KIAA1549: variants seen among roughly 807,000 people sequenced by gnomAD.
KIAA1549 encodes UPF0606 protein KIAA1549.
KIAA1549 carries 70 observed loss-of-function variants against 156.4 expected under a neutral mutation model. The ratio of observed to expected loss-of-function variants is 0.45; its 90% confidence interval spans 0.37 to 0.55. The LOEUF (loss-of-function observed/expected upper bound fraction) is 0.55. Among genes scored for constraint, KIAA1549 ranks in the 20% least tolerant of loss-of-function variants. The pLI, the probability that KIAA1549 is intolerant of heterozygous loss-of-function variation, is 0.00. For synonymous variants in KIAA1549, 1,103 were observed against 1,066.4 expected (o/e 1.03, Z -0.67); for missense variants, 2,428 against 2,540.9 (o/e 0.96, Z 0.96).
chr7:138,932,217 G>GT (rs1166848105), intron 1 of KIAA1549, among the ~76,000 whole-genome samples: 2 of 152,228 alleles, frequency 1.3e-5, no homozygotes, highest in Non-Finnish European at 1.5e-5. Flanking sequence ...ACATGCTCGT[G>GT]TAAGTTCTTT....
At chr7:138,975,955 T>TC (rs890157838) in intron 1 of KIAA1549, among the ~76,000 whole-genome samples, 29 of 152,180 alleles carry the variant, frequency 1.9e-4, no homozygotes, top group African/African-American at 7.0e-4. Flanking sequence ...CAGCAGCTGT[T>TC]CCCAAACGGG....
At chr7:138,897,018 C>G (rs979444498) in intron 9 of KIAA1549, among the ~76,000 whole-genome samples, 2 of 152,150 alleles carry the variant, frequency 1.3e-5, no homozygotes, top group Non-Finnish European at 2.9e-5. Flanking sequence ...AGGCTTCCTT[C>G]AATCGCCATC....
chr7:138,831,534 A>G lies in KIAA1549; in HGVS notation c.*6372T>C, dbSNP rs1809530417. 9.0e-6 allele frequency: 2 copies of G among 222,276 alleles called. No homozygotes were observed. The highest frequency in any genetic ancestry group is 4.5e-5 in the African/African-American group (2 of 44,744). 13.8% of individuals were successfully genotyped at this position (222,276 alleles called of 1,614,324 possible). On this transcript the variant is annotated 3_prime_UTR_variant, in exon 20 of 20. Coordinates refer to ENST00000422774, the MANE Select transcript of KIAA1549 (RefSeq NM_001164665.2). ...AGTGCAGCTATTGAAGGATAGAAACATAAAACCGACAAATAGAAGGGAGGG... is the reference window on the plus strand; with the variant it reads ...AGTGCAGCTATTGAAGGATAGAAACGTAAAACCGACAAATAGAAGGGAGGG...
At chr7:138,905,879 A>T (rs750734487) in intron 6 of KIAA1549, among the ~76,000 whole-genome samples, 5 of 152,210 alleles carry the variant, frequency 3.3e-5, no homozygotes, top group Admixed American at 6.5e-5. Flanking sequence ...GGGTTTTGAT[A>T]AATGTGTATA....
chr7:138,931,440 C>A (rs752647148), intron 1 of KIAA1549, among the ~76,000 whole-genome samples: 3 of 152,154 alleles, frequency 2.0e-5, no homozygotes, highest in Non-Finnish European at 2.9e-5. Flanking sequence ...TTTTTAATGG[C>A]ATCTTTGATG....
intron 10 of KIAA1549, among the ~76,000 whole-genome samples, chr7:138,893,230 G>A (rs1057141025): frequency 6.6e-6 from 1 of 152,148 alleles, no homozygotes; most frequent in African/African-American, 2.4e-5. Flanking sequence ...ATAGGAAAGA[G>A]GGGTTACTTA....
chr7:138,948,343 G>A (rs568487304), intron 1 of KIAA1549, among the ~76,000 whole-genome samples: 2 of 152,256 alleles, frequency 1.3e-5, no homozygotes, highest in African/African-American at 4.8e-5. Flanking sequence ...CATGTGGCTG[G>A]GGTGAAGCGG....
chr7:138,964,501 G>T (rs528496501), intron 1 of KIAA1549, among the ~76,000 whole-genome samples: 1 of 152,148 alleles, frequency 6.6e-6, no homozygotes, highest in South Asian at 2.1e-4. Context: ...ACACTGTGCC[G>T]TCTCCTCACA....
intron 1 of KIAA1549, among the ~76,000 whole-genome samples, chr7:138,927,345 A>G (rs932926465): frequency 6.6e-6 from 1 of 152,266 alleles, no homozygotes; most frequent in Non-Finnish European, 1.5e-5. Context: ...ATGTGTATGC[A>G]TAAGAATGCA....
chr7:138,881,037 T>A (rs1401051980), intron 11 of KIAA1549, among the ~76,000 whole-genome samples: 3 of 152,212 alleles, frequency 2.0e-5, no homozygotes, highest in African/African-American at 7.2e-5. Context: ...ACTCCTTCTA[T>A]GTTATTTCTG....
In KIAA1549 at chr7:138,917,341, T is replaced by A; in HGVS notation, c.2285A>T (p.His762Leu). 1 of 1,613,846 alleles carries A rather than the reference T, an allele frequency of 6.2e-7. No homozygotes were observed. The highest frequency in any genetic ancestry group is 8.5e-7 in the Non-Finnish European group (1 of 1,179,858). ...CACCAGTGCAGTGACTGCGGATTCA[T>A]GGGAAATGAGTGAAGACTCAAGATA... is the stretch of plus-strand genomic sequence containing the variant. ...TSYLESSLIS[H>L]ESAVTALVPP... is the part of the protein sequence containing the mutation. Residue 762 changes from histidine (H) to leucine (L), a missense_variant, in exon 2 of 20, where the codon CAT becomes CTT. This residue lies in a region of KIAA1549 where 762 missense variants were observed against 901.6 expected (regional missense o/e 0.85). Coordinates refer to ENST00000422774, the MANE Select transcript of KIAA1549 (RefSeq NM_001164665.2).
intron 9 of KIAA1549, among the ~76,000 whole-genome samples, chr7:138,895,807 G>GTGT (rs1811668308): frequency 6.6e-6 from 1 of 152,014 alleles, no homozygotes; most frequent in African/African-American, 2.4e-5. Context: ...GTCCTAATAA[G>GTGT]CGTCCCATAG....
At chr7:138,969,511 A>G (rs1023023672) in intron 1 of KIAA1549, among the ~76,000 whole-genome samples, 27 of 152,166 alleles carry the variant, frequency 1.8e-4, no homozygotes, top group African/African-American at 5.8e-4. Context: ...GCTAGACCAC[A>G]TTTGCAAAAA....
intron 1 of KIAA1549, among the ~76,000 whole-genome samples, chr7:138,946,102 AC>A (rs1813328343): frequency 6.6e-6 from 1 of 150,786 alleles, no homozygotes; most frequent in South Asian, 2.1e-4. Flanking sequence ...CCACGTTCTT[AC>A]TGCCTCTCAT....
intron 9 of KIAA1549, among the ~76,000 whole-genome samples, chr7:138,894,795 G>C (rs1340103038): frequency 6.6e-6 from 1 of 152,116 alleles, no homozygotes; most frequent in African/African-American, 2.4e-5. Flanking sequence ...TTAATTCCAG[G>C]TCTCCTGATT....
chr7:138,973,112 G>A (rs567023401), intron 1 of KIAA1549, among the ~76,000 whole-genome samples: 2 of 152,222 alleles, frequency 1.3e-5, no homozygotes, highest in South Asian at 2.1e-4. Flanking sequence ...ATGAGCCACC[G>A]CGCCCAGCCC....
At chr7:138,941,312 C>T (rs1046493297) in intron 1 of KIAA1549, among the ~76,000 whole-genome samples, 2 of 152,048 alleles carry the variant, frequency 1.3e-5, no homozygotes, top group Non-Finnish European at 2.9e-5. Flanking sequence ...CAAAGTTCAC[C>T]GTTCCATAAA....
intron 1 of KIAA1549, among the ~76,000 whole-genome samples, chr7:138,948,818 G>A (rs762209047): frequency 2.8e-4 from 43 of 151,116 alleles, no homozygotes; most frequent in Non-Finnish European, 5.9e-4. Context: ...TCAGCCTCCC[G>A]AGTAGCTGGG....
chr7:138,931,049 A>T (rs1304443798), intron 1 of KIAA1549, among the ~76,000 whole-genome samples: 1 of 152,176 alleles, frequency 6.6e-6, no homozygotes, highest in African/African-American at 2.4e-5. Flanking sequence ...GGGAGCCCTC[A>T]GGAGAGGGAG....
Sources: allele counts gnomAD v4.1 joint callset (sites outside exome capture counted in the v4.1 genomes callset), GRCh38; gene constraint gnomAD v4.1.1; regional missense constraint gnomAD v4.1.1; transcripts MANE v1.5; gene names NCBI Gene and HGNC (gene_info 2026-07-23, HGNC 2026-07-21).